Variants in LDLRAD4 observed in about 807,000 individuals in gnomAD.
LDLRAD4 encodes low-density lipoprotein receptor class A domain-containing protein 4.
In LDLRAD4, 5 loss-of-function variants were observed where a neutral mutation model predicts 17.0. The ratio of observed to expected loss-of-function variants is 0.29; its 90% CI spans 0.15 to 0.62. The LOEUF is 0.62. Among genes scored for constraint, LDLRAD4 ranks in the 20% least tolerant of loss-of-function variants. The pLI, the probability that LDLRAD4 is intolerant of heterozygous loss-of-function variation, is 0.84. For synonymous variants in LDLRAD4, 168 were observed against 171.8 expected (o/e 0.98, Z 0.17); for missense variants, 340 against 424.7 (o/e 0.80, Z 1.75).
intron 2 of LDLRAD4, chr18:13,419,767 C>T (rs557602904): frequency 6.6e-6 from 1 of 152,268 alleles, no homozygotes; most frequent in African/African-American, 2.4e-5. Flanking sequence ...TTTATATAAC[C>T]TTTAGGGTCT....
chr18:13,278,927 G>C (rs2045068424), intron 1 of LDLRAD4, among the ~76,000 whole-genome samples: 1 of 152,238 alleles, frequency 6.6e-6, no homozygotes, highest in African/African-American at 2.4e-5. Context: ...TCTGGTTGCT[G>C]TTGGCAGCAG....
chr18:13,610,305 T>TTC (rs1491536129), intron 3 of LDLRAD4, among the ~76,000 whole-genome samples: 331 of 24,352 alleles, frequency 0.014, 90 homozygotes, highest in African/African-American at 0.027. Flanking sequence ...TTTTTTTTTT[T>TTC]GAGACGGAGT....
intron 1 of LDLRAD4, among the ~76,000 whole-genome samples, chr18:13,272,140 C>T (rs572804884): frequency 3.9e-5 from 6 of 152,216 alleles, no homozygotes; most frequent in East Asian, 3.9e-4. Context: ...GTGATCCACC[C>T]GCCTCAGCCT....
chr18:13,608,819 T>G (rs2095249428), intron 3 of LDLRAD4, among the ~76,000 whole-genome samples: 1 of 152,230 alleles, frequency 6.6e-6, no homozygotes, highest in Non-Finnish European at 1.5e-5. Context: ...CTAAGGACTG[T>G]AAACGCTCAG....
intron 1 of LDLRAD4, among the ~76,000 whole-genome samples, chr18:13,345,576 T>C (rs548646431): frequency 7.9e-5 from 12 of 152,352 alleles, no homozygotes; most frequent in African/African-American, 2.9e-4. Flanking sequence ...GGCTTTGGTA[T>C]CAGGATGATG....
At chr18:13,616,259 G>GGGA (rs2040065418) in intron 3 of LDLRAD4, 1 of 149,904 alleles carries the variant, frequency 6.7e-6, no homozygotes, top group South Asian at 2.1e-4. Context: ...GGTGGGGGGG[G>GGGA]GGGGGTTGCC....
chr18:13,533,700 A>G (rs1258916850), intron 3 of LDLRAD4, among the ~76,000 whole-genome samples: 1 of 152,218 alleles, frequency 6.6e-6, no homozygotes, highest in Non-Finnish European at 1.5e-5. Flanking sequence ...AACATATCAC[A>G]TTATGTATAT....
chr18:13,650,282 G>A, exon 6 of LDLRAD4: 1 of 407,242 alleles, frequency 2.5e-6, no homozygotes, highest in South Asian at 1.2e-4. Flanking sequence ...TCTCGAACTG[G>A]ATGCATTAGG....
At chr18:13,467,762 C>T (rs531057428) in intron 3 of LDLRAD4, among the ~76,000 whole-genome samples, 3 of 152,344 alleles carry the variant, frequency 2.0e-5, no homozygotes, top group African/African-American at 4.8e-5. Context: ...GTAATCAACA[C>T]GGTGTGGCGT....
intron 3 of LDLRAD4, among the ~76,000 whole-genome samples, chr18:13,559,590 A>G (rs765853045): frequency 2.0e-5 from 3 of 152,226 alleles, no homozygotes; most frequent in Admixed American, 6.5e-5. Flanking sequence ...GCTTACATGT[A>G]TATATACATA....
intron 1 of LDLRAD4, among the ~76,000 whole-genome samples, chr18:13,292,910 C>G (rs917195573): frequency 6.6e-6 from 1 of 152,154 alleles, no homozygotes; most frequent in African/African-American, 2.4e-5. Flanking sequence ...CCGGGGATGC[C>G]CGGAAATGAG....
intron 1 of LDLRAD4, among the ~76,000 whole-genome samples, chr18:13,280,925 G>A (rs149505547): frequency 6.6e-6 from 1 of 152,274 alleles, no homozygotes; most frequent in Non-Finnish European, 1.5e-5. Flanking sequence ...TTCTATCTTT[G>A]CTCAATTTAA....
intron 3 of LDLRAD4, among the ~76,000 whole-genome samples, chr18:13,560,584 C>T (rs1339713927): frequency 6.6e-6 from 1 of 152,180 alleles, no homozygotes; most frequent in East Asian, 1.9e-4. Context: ...GCCAAAGTGG[C>T]AAGATTTTGG....
chr18:13,350,210 T>C (rs1053738746), intron 1 of LDLRAD4, among the ~76,000 whole-genome samples: 2 of 152,218 alleles, frequency 1.3e-5, no homozygotes, highest in African/African-American at 4.8e-5. Flanking sequence ...CGCCACACTG[T>C]CTTCCACAAT....
At chr18:13,595,242 CCTT>C (rs2095080783) in intron 3 of LDLRAD4, among the ~76,000 whole-genome samples, 1 of 151,746 alleles carries the variant, frequency 6.6e-6, no homozygotes, top group South Asian at 2.1e-4. Context: ...TTTGTTATTT[CCTT>C]CTTTTTTTCT....
At chr18:13,394,260 T>C (rs1239742841) in intron 2 of LDLRAD4, among the ~76,000 whole-genome samples, 1 of 152,208 alleles carries the variant, frequency 6.6e-6, no homozygotes, top group Non-Finnish European at 1.5e-5. Context: ...CAAACTCTTC[T>C]CCATTTTCTT....
intron 1 of LDLRAD4, among the ~76,000 whole-genome samples, chr18:13,268,131 C>A (rs2044324565): frequency 6.6e-6 from 1 of 152,184 alleles, no homozygotes; most frequent in African/African-American, 2.4e-5. Context: ...CTACTGATTT[C>A]CTTTGTTTTC....
chr18:13,256,098 G>T (rs2043488570), intron 1 of LDLRAD4, among the ~76,000 whole-genome samples: 1 of 152,200 alleles, frequency 6.6e-6, no homozygotes, highest in African/African-American at 2.4e-5. Flanking sequence ...CAAGAAAGAC[G>T]TGATGTAAAG....
chr18:13,223,894 C>T (rs771933674), intron 1 of LDLRAD4, among the ~76,000 whole-genome samples: 30 of 152,318 alleles, frequency 2.0e-4, no homozygotes, highest in Admixed American at 7.2e-4. Context: ...TGGGCAGTAT[C>T]GCTCCAGGTT....
Sources: allele counts gnomAD v4.1 joint callset (sites outside exome capture counted in the v4.1 genomes callset), GRCh38; gene constraint gnomAD v4.1.1; transcripts MANE v1.5; gene names NCBI Gene and HGNC (gene_info 2026-07-23, HGNC 2026-07-21).